RGS7: variants seen among roughly 807,000 people sequenced by gnomAD.
RGS7 encodes regulator of G protein signaling 7, also known as regulator of G-protein signaling 7.
Under a neutral mutation model 81.1 loss-of-function variants are expected in RGS7, and 27 were observed. The ratio of observed to expected loss-of-function variants is 0.33; its 90% CI spans 0.25 to 0.46. RGS7 has a LOEUF of 0.46. Among genes scored for constraint, RGS7 ranks in the 20% least tolerant of loss-of-function variants. RGS7 has a pLI of 1.00. For missense variants in RGS7, 396 were observed against 607.4 expected (o/e 0.65, Z 3.66); for synonymous variants, 208 against 207.7 (o/e 1.00, Z -0.01).
intron 9 of RGS7, among the ~76,000 whole-genome samples, chr1:240,858,530 A>AGT (rs1661576347): frequency 6.6e-6 from 1 of 152,150 alleles, no homozygotes; most frequent in Admixed American, 6.6e-5. Context: ...TTTTTGGTGC[A>AGT]GTGTCTGTTC....
At chr1:241,088,388 T>C (rs1466194885) in intron 3 of RGS7, among the ~76,000 whole-genome samples, 1 of 151,840 alleles carries the variant, frequency 6.6e-6, no homozygotes, top group African/African-American at 2.4e-5. Context: ...GTAAAGGCAA[T>C]TGAGAAACAG....
intron 2 of RGS7, among the ~76,000 whole-genome samples, chr1:241,101,973 A>G (rs927354194): frequency 2.6e-5 from 4 of 152,210 alleles, no homozygotes; most frequent in African/African-American, 9.6e-5. Flanking sequence ...GAGTGAGAAT[A>G]GGAGGCTGGA....
intron 2 of RGS7, among the ~76,000 whole-genome samples, chr1:241,214,924 TA>T (rs1395386719): frequency 1.3e-5 from 2 of 152,222 alleles, no homozygotes; most frequent in African/African-American, 2.4e-5. Context: ...ACTATAACTT[TA>T]ACCATTATAT....
At chr1:241,041,439 G>A (rs1453863093) in intron 3 of RGS7, among the ~76,000 whole-genome samples, 2 of 152,040 alleles carry the variant, frequency 1.3e-5, no homozygotes, top group African/African-American at 2.4e-5. Context: ...ATGGCCCTGG[G>A]CAGGAGTACA....
At chr1:241,329,401 C>T (rs531825558) in intron 2 of RGS7, among the ~76,000 whole-genome samples, 118 of 152,240 alleles carry the variant, frequency 7.8e-4, no homozygotes, top group Non-Finnish European at 1.4e-3. Context: ...TGGTTGCTTA[C>T]GGAGTTTAAA....
intron 4 of RGS7, among the ~76,000 whole-genome samples, chr1:240,954,225 A>G (rs1679995393): frequency 6.6e-6 from 1 of 152,112 alleles, no homozygotes; most frequent in African/African-American, 2.4e-5. Flanking sequence ...AGAAAATTAA[A>G]GCACAGGTAT....
intron 2 of RGS7, among the ~76,000 whole-genome samples, chr1:241,272,151 G>A (rs1210140205): frequency 3.3e-5 from 5 of 151,768 alleles, no homozygotes; most frequent in African/African-American, 4.8e-5. Flanking sequence ...CCGCCACCAC[G>A]CCTGGCTAAT....
At chr1:241,221,958 C>A (rs1199369131) in intron 2 of RGS7, among the ~76,000 whole-genome samples, 2 of 152,172 alleles carry the variant, frequency 1.3e-5, no homozygotes, top group Non-Finnish European at 2.9e-5. Context: ...TTTATACACA[C>A]ACACATAGAC....
chr1:241,165,035 G>A (rs1474376134), intron 2 of RGS7, among the ~76,000 whole-genome samples: 8 of 152,112 alleles, frequency 5.3e-5, no homozygotes, highest in Admixed American at 3.9e-4. Context: ...TTCCCTATGT[G>A]CGTTCTCATC....
At chr1:240,963,277 C>A (rs774509407) in intron 4 of RGS7, among the ~76,000 whole-genome samples, 1 of 152,116 alleles carries the variant, frequency 6.6e-6, no homozygotes, top group Admixed American at 6.6e-5. Flanking sequence ...AAGTAGAGAT[C>A]TATAGCAGAC....
chr1:240,918,514 A>G lies in RGS7; in HGVS notation c.385+12203T>C, dbSNP rs368585095. Among the ~76,000 whole-genome samples the G allele has an allele frequency of 6.6e-5, 10 of 152,302 alleles. No homozygotes were observed. In the East Asian group the frequency reaches 1.5e-3, roughly 24 times the overall value. ...TAAACAACACACGGGCCAAAGAAGA[A>G]GTCTCGGGAGAAATTTTAAAGTATT... On this transcript the variant is annotated intron_variant, in intron 6 of 18. Coordinates refer to ENST00000440928, the MANE Select transcript of RGS7 (RefSeq NM_001364886.1).
chr1:240,834,556 A>G (rs947942513), intron 9 of RGS7, among the ~76,000 whole-genome samples: 5 of 152,058 alleles, frequency 3.3e-5, no homozygotes, highest in Non-Finnish European at 5.9e-5. Flanking sequence ...CACCGCCCAG[A>G]CTGGAGTGCA....
chr1:241,356,053 T>C (rs1285409540), intron 1 of RGS7, among the ~76,000 whole-genome samples: 1 of 152,204 alleles, frequency 6.6e-6, no homozygotes, highest in Non-Finnish European at 1.5e-5. Flanking sequence ...TTGGTTATTG[T>C]TTTAGCTGAC....
At chr1:240,851,123 T>C (rs914011837) in intron 9 of RGS7, among the ~76,000 whole-genome samples, 8 of 152,190 alleles carry the variant, frequency 5.3e-5, no homozygotes, top group Non-Finnish European at 1.0e-4. Context: ...AAGACTTTCA[T>C]AGCTAGACAG....
intron 2 of RGS7, among the ~76,000 whole-genome samples, chr1:241,296,174 G>A (rs1403883634): frequency 6.6e-6 from 1 of 152,066 alleles, no homozygotes; most frequent in Admixed American, 6.5e-5. Flanking sequence ...GAGCAGGAGA[G>A]GGAGGAGGAG....
At chr1:241,221,924 C>T (rs1234947656) in intron 2 of RGS7, among the ~76,000 whole-genome samples, 2 of 152,078 alleles carry the variant, frequency 1.3e-5, no homozygotes, top group Non-Finnish European at 2.9e-5. Flanking sequence ...CACACACATA[C>T]ATTTTATACT....
At chr1:241,133,989 G>A (rs1027414409) in intron 2 of RGS7, among the ~76,000 whole-genome samples, 1 of 152,132 alleles carries the variant, frequency 6.6e-6, no homozygotes, top group African/African-American at 2.4e-5. Context: ...ATGCCCTCCA[G>A]CAAAGGAAAG....
rs763700143 is a variant in RGS7 at position 240,870,025 on chromosome 1, T to A, written c.450+30A>T. The A allele has an allele frequency of 2.1e-5, 34 of 1,592,470 alleles. No homozygotes were observed. The East Asian group carries it at 6.9e-4, about 32-fold the overall frequency. ...GCCTTACTGCTGTGCATTCTATGAC[T>A]ATCTTTGCCAGAAGGTCCTTGGTAC... On this transcript the variant is annotated intron_variant, in intron 7 of 18. Transcript: ENST00000440928.
At chr1:241,113,375 T>TA (rs1331599703) in intron 2 of RGS7, among the ~76,000 whole-genome samples, 1 of 152,204 alleles carries the variant, frequency 6.6e-6, no homozygotes, top group African/African-American at 2.4e-5. Context: ...TGGTAATTGT[T>TA]AAAGTCATAG....
Sources: gnomAD v4.1 joint callset for allele counts (sites outside exome capture counted in the v4.1 genomes callset) on GRCh38, gnomAD v4.1.1 for gene constraint, MANE v1.5 for transcripts, NCBI Gene and HGNC (gene_info 2026-07-23, HGNC 2026-07-21) for gene names.